Variants in ASRGL1 observed in about 807,000 individuals in gnomAD.
ASRGL1 encodes asparaginase and isoaspartyl peptidase 1.
Under a neutral mutation model 22.4 loss-of-function variants are expected in ASRGL1, and 16 were observed. The ratio of observed to expected loss-of-function variants is 0.71; its 90% CI spans 0.48 to 1.08. ASRGL1 has a LOEUF of 1.08. ASRGL1 is among the 50% of genes least tolerant of loss of function. The probability of loss-of-function intolerance (pLI) is 0.00; values close to 1 mark genes in which losing one functional copy is unlikely to be tolerated. For missense variants in ASRGL1, 412 were observed against 410.1 expected (o/e 1.00, Z -0.04); for synonymous variants, 165 against 159.3 (o/e 1.04, Z -0.27).
At chr11:62,364,835 G>GAGGCGGGCAGATCACCTGAGGTC (rs1296421079) in intron 4 of ASRGL1, among the ~76,000 whole-genome samples, 1 of 152,044 alleles carries the variant, frequency 6.6e-6, no homozygotes, top group Admixed American at 6.6e-5. Flanking sequence ...TTGGGAGGCT[G>GAGGCGGGCAGATCACCTGAGGTC]AGGCGGGCAG....
At chr11:62,337,602 C>G (rs755675956) in intron 1 of ASRGL1, 28 bp downstream of exon 1, 2 of 166,900 alleles carry the variant, frequency 1.2e-5, no homozygotes, top group Non-Finnish European at 2.6e-5. Flanking sequence ...CCGGAGCAGC[C>G]GCCCGAGACG....
intron 5 of ASRGL1, 41 bp from the exon 6 acceptor site, chr11:62,391,481 C>A: frequency 1.3e-6 from 2 of 1,569,520 alleles, no homozygotes; most frequent in Non-Finnish European, 1.7e-6. Context: ...ATTTGAATTT[C>A]TTGACTGTTA....
At chr11:62,375,934 T>G (rs1946915249) in intron 4 of ASRGL1, among the ~76,000 whole-genome samples, 1 of 151,694 alleles carries the variant, frequency 6.6e-6, no homozygotes, top group Admixed American at 6.6e-5. Context: ...AAACCCCGTC[T>G]CTACTAAAAA....
In ASRGL1 at chr11:62,392,607, A is replaced by G. The variant is rs1193897306; in HGVS notation, c.*323A>G. ...AAAAGAAAAGGGAAAAAAGAAAGAAAGCAGCAGCATGATCCTGACATGACA... is the reference window on the plus strand; with the variant it reads ...AAAAGAAAAGGGAAAAAAGAAAGAAGGCAGCAGCATGATCCTGACATGACA... On this transcript the variant is annotated 3_prime_UTR_variant, in exon 7 of 7. Transcript: ENST00000415229. 8.2e-6 allele frequency: 3 copies of G among 367,496 alleles called. No individual in the cohort carries two copies. Among genetic ancestry groups the G allele is most frequent in the Non-Finnish European group, 1.5e-5 (3 of 196,884 alleles). 22.8% of individuals were successfully genotyped at this position (367,496 alleles called of 1,614,324 possible).
At chr11:62,350,135 G>A (rs932921998) in intron 2 of ASRGL1, among the ~76,000 whole-genome samples, 5 of 152,162 alleles carry the variant, frequency 3.3e-5, no homozygotes, top group Non-Finnish European at 5.9e-5. Context: ...ATTTTACTCA[G>A]CTCCTATTCA....
intron 4 of ASRGL1, among the ~76,000 whole-genome samples, chr11:62,367,242 G>A (rs2134643599): frequency 6.6e-6 from 1 of 152,182 alleles, no homozygotes; most frequent in African/African-American, 2.4e-5. Flanking sequence ...GGAGGCTGAG[G>A]CAGGAGAATG....
chr11:62,339,782 A>G (rs1282135699), intron 2 of ASRGL1, among the ~76,000 whole-genome samples: 1 of 152,226 alleles, frequency 6.6e-6, no homozygotes, highest in Non-Finnish European at 1.5e-5. Flanking sequence ...ACTTGGTGGA[A>G]GACATTCATC....
intron 4 of ASRGL1, among the ~76,000 whole-genome samples, chr11:62,363,124 G>A (rs1393068945): frequency 2.7e-5 from 4 of 150,666 alleles, no homozygotes; most frequent in African/African-American, 7.3e-5. Context: ...TAGTAGAGAC[G>A]GGGTTTCACC....
At chr11:62,370,933 C>T (rs1946743459) in intron 4 of ASRGL1, among the ~76,000 whole-genome samples, 1 of 152,106 alleles carries the variant, frequency 6.6e-6, no homozygotes, top group East Asian at 1.9e-4. Flanking sequence ...AGTAAGTCTA[C>T]TGGTGGTACT....
chr11:62,351,474 A>T (rs549860994), intron 2 of ASRGL1, among the ~76,000 whole-genome samples: 1 of 152,106 alleles, frequency 6.6e-6, no homozygotes, highest in South Asian at 2.1e-4. Flanking sequence ...ACATGGTGAA[A>T]CGCCGTCCCT....
At chr11:62,389,328 CCT>C (rs1306660722) in intron 5 of ASRGL1, 77 bp downstream of exon 5, 1 of 1,324,448 alleles carries the variant, frequency 7.6e-7, no homozygotes, top group African/African-American at 1.4e-5. Flanking sequence ...ATTCCCTGCC[CCT>C]CTCCGTTTCT....
intron 4 of ASRGL1, among the ~76,000 whole-genome samples, chr11:62,362,891 A>ATTTTTTTTTT (rs60507577): frequency 7.9e-5 from 4 of 50,366 alleles, no homozygotes; most frequent in African/African-American, 2.9e-4. Flanking sequence ...AAAGGATTTA[A>ATTTTTTTTTT]TTTTTTTTTT....
At chr11:62,379,271 G>A (rs1410335128) in intron 4 of ASRGL1, among the ~76,000 whole-genome samples, 2 of 152,152 alleles carry the variant, frequency 1.3e-5, no homozygotes, top group Non-Finnish European at 2.9e-5. Context: ...AGCAATGATA[G>A]AGACATCTGC....
At chr11:62,356,548 T>C in intron 3 of ASRGL1, 81 bp downstream of exon 3, 1 of 1,473,282 alleles carries the variant, frequency 6.8e-7, no homozygotes, top group South Asian at 1.2e-5. Flanking sequence ...TGTGCAGAAA[T>C]ACTTGAGATC....
chr11:62,367,526 T>C (rs1267562844), intron 4 of ASRGL1, among the ~76,000 whole-genome samples: 1 of 145,820 alleles, frequency 6.9e-6, no homozygotes, highest in South Asian at 2.2e-4. Flanking sequence ...TGCCTGTAAT[T>C]CCAGCTACTT....
At chr11:62,342,204 G>A (rs1293868573) in intron 2 of ASRGL1, among the ~76,000 whole-genome samples, 1 of 152,204 alleles carries the variant, frequency 6.6e-6, no homozygotes, top group African/African-American at 2.4e-5. Flanking sequence ...ACAAAGGAAG[G>A]AGGAAGTAAC....
chr11:62,362,823 C>CACACAA (rs1234687068), intron 4 of ASRGL1, among the ~76,000 whole-genome samples: 2 of 118,312 alleles, frequency 1.7e-5, no homozygotes, highest in Admixed American at 1.1e-4. Context: ...TACACACACA[C>CACACAA]ACACACACAC....
chr11:62,399,841 G>A, the ASRGL1 span, among the ~76,000 whole-genome samples: 7 of 152,140 alleles, frequency 4.6e-5, no homozygotes, highest in Non-Finnish European at 4.4e-5. Flanking sequence ...CCTGGGCTCT[G>A]AGACCCCATA....
chr11:62,355,467 G>A (rs562883148), intron 2 of ASRGL1, among the ~76,000 whole-genome samples: 1 of 142,420 alleles, frequency 7.0e-6, no homozygotes, highest in Non-Finnish European at 1.5e-5. Flanking sequence ...CTCATGATCT[G>A]CCCGCCTCGG....
Sources: gnomAD v4.1 joint callset for allele counts (sites outside exome capture counted in the v4.1 genomes callset) on GRCh38, gnomAD v4.1.1 for gene constraint, MANE v1.5 for transcripts, NCBI Gene and HGNC (gene_info 2026-07-23, HGNC 2026-07-21) for gene names.